CCDC83: variants seen among roughly 807,000 people sequenced by gnomAD.
CCDC83 encodes coiled-coil domain containing 83, also known as coiled-coil domain-containing protein 83.
In CCDC83, 54 loss-of-function variants were observed where a neutral mutation model predicts 50.1. That is an observed-to-expected ratio of 1.08 (90% CI 0.87 to 1.35). CCDC83 has a LOEUF of 1.35. Ranked by LOEUF, CCDC83 falls within the 40% of genes most tolerant of loss-of-function variation. The probability of loss-of-function intolerance (pLI) is 0.00; values close to 1 mark genes in which losing one functional copy is unlikely to be tolerated. For missense variants in CCDC83, 518 were observed against 473.9 expected (o/e 1.09, Z -0.86); for synonymous variants, 161 against 153.3 (o/e 1.05, Z -0.37).
intron 1 of CCDC83, among the ~76,000 whole-genome samples, chr11:85,861,282 GC>G (rs1270055820): frequency 6.6e-6 from 1 of 152,150 alleles, no homozygotes; most frequent in East Asian, 1.9e-4. Context: ...CTTTAATAAG[GC>G]TTTTGGAAGT....
chr11:85,889,936 G>A (rs11828161), intron 5 of CCDC83, among the ~76,000 whole-genome samples: 2,049 of 152,256 alleles, frequency 0.013, 20 homozygotes, highest in African/African-American at 0.028. Context: ...AACCAGTTTC[G>A]CACCTTTGAT....
chr11:85,891,097 G>T (rs559011653), intron 5 of CCDC83, among the ~76,000 whole-genome samples: 8 of 152,286 alleles, frequency 5.3e-5, no homozygotes, highest in Non-Finnish European at 1.2e-4. Context: ...ATCTGTGACT[G>T]TCCCTCTCAT....
chr11:85,914,014 A>G (rs1407019189), intron 8 of CCDC83, among the ~76,000 whole-genome samples: 1 of 152,260 alleles, frequency 6.6e-6, no homozygotes, highest in African/African-American at 2.4e-5. Context: ...AAACTAGGAA[A>G]CAAAAGAATT....
chr11:85,892,236 G>T (rs570744361), intron 5 of CCDC83, among the ~76,000 whole-genome samples: 1 of 152,280 alleles, frequency 6.6e-6, no homozygotes, highest in East Asian at 1.9e-4. Context: ...ATTAGATGGG[G>T]TGTCTGAGAA....
chr11:85,888,758 T>C (rs1015777553), intron 5 of CCDC83, among the ~76,000 whole-genome samples: 4 of 152,202 alleles, frequency 2.6e-5, no homozygotes, highest in Admixed American at 1.3e-4. Flanking sequence ...CTTTATTTTT[T>C]TACCAAATGG....
At chr11:85,856,702 T>C (rs1316849914) in intron 1 of CCDC83, among the ~76,000 whole-genome samples, 2 of 152,204 alleles carry the variant, frequency 1.3e-5, no homozygotes, top group Non-Finnish European at 2.9e-5. Context: ...ATGTCACTCA[T>C]CTAGATATTT....
intron 5 of CCDC83, 61 bp downstream of exon 5, chr11:85,886,428 G>A: frequency 7.3e-7 from 1 of 1,365,198 alleles, no homozygotes; most frequent in Non-Finnish European, 9.8e-7. Context: ...GGCATACATT[G>A]ATGGAAGAAA....
At chr11:85,910,895 G>T (rs2093450427) in intron 7 of CCDC83, among the ~76,000 whole-genome samples, 1 of 152,198 alleles carries the variant, frequency 6.6e-6, no homozygotes, top group Admixed American at 6.5e-5. Context: ...AACTTGGCCA[G>T]TCATGGTGGC....
chr11:85,863,716 G>A (rs947006874), intron 1 of CCDC83, among the ~76,000 whole-genome samples: 1 of 152,192 alleles, frequency 6.6e-6, no homozygotes, highest in African/African-American at 2.4e-5. Flanking sequence ...TGCCAATTCA[G>A]TGATCCAAAT....
intron 8 of CCDC83, among the ~76,000 whole-genome samples, chr11:85,912,265 A>ACTATTTGTTC (rs1224011595): frequency 6.6e-6 from 1 of 152,146 alleles, no homozygotes; most frequent in Non-Finnish European, 1.5e-5. Context: ...GACATGGAAG[A>ACTATTTGTTC]CTACTATTTG....
chr11:85,857,749 G>A (rs548345982), intron 1 of CCDC83, among the ~76,000 whole-genome samples: 157 of 152,118 alleles, frequency 1.0e-3, no homozygotes, highest in Admixed American at 2.5e-3. Flanking sequence ...AGGCTGTGGC[G>A]ACATGGGCAA....
At chr11:85,856,184 CAAAAAA>C (rs370054964) in intron 1 of CCDC83, among the ~76,000 whole-genome samples, 2,762 of 94,864 alleles carry the variant, frequency 0.029, 96 homozygotes, top group African/African-American at 0.1. Context: ...CTATCTAAGC[CAAAAAA>C]AAAAAAAAAA....
Position 85,899,017 on chromosome 11 carries a change from T to C in CCDC83, c.672+2T>C, listed in dbSNP as rs776658848. ...GAGAATGACTGGCTCAAAAAAGAGGTAAGTGGAATTTATCAAAACAAACAA... is the reference window on the plus strand; with the variant it reads ...GAGAATGACTGGCTCAAAAAAGAGGCAAGTGGAATTTATCAAAACAAACAA... On this transcript the variant is annotated splice_donor_variant, in intron 7 of 10. Transcript: ENST00000342404. LOFTEE classifies it high-confidence loss of function. 1.9e-6 allele frequency: 3 copies of C among 1,598,190 alleles called. No homozygotes were observed. The highest frequency in any genetic ancestry group is 2.6e-6 in the Non-Finnish European group (3 of 1,168,324).
chr11:85,892,895 T>C (rs1276172616), intron 5 of CCDC83, among the ~76,000 whole-genome samples: 1 of 152,182 alleles, frequency 6.6e-6, no homozygotes, highest in African/African-American at 2.4e-5. Context: ...AATAAAGGCT[T>C]CCACTTCTTA....
At position 85,882,520 on chromosome 11, in the gene CCDC83, G is replaced by A. The variant is rs765934206; in HGVS notation, c.188G>A (p.Arg63His). Residue 63 changes from arginine to histidine, a missense_variant, in exon 4 of 11, where the codon CGC becomes CAC. Transcript: ENST00000342404. ...KNQKYHERNS[R>H]LKEEQIWHIR... ...TGTTGATTTTCATGACAGAATAGCC[G>A]CTTAAAAGAAGAACAGATTTGGCAC... 47 of 1,613,180 alleles carry A rather than the reference G, an allele frequency of 2.9e-5. No homozygotes were observed. Among genetic ancestry groups the A allele is most frequent in the South Asian group, 6.6e-5 (6 of 90,996 alleles).
Position 85,882,822 on chromosome 11 carries a change from G to A in CCDC83, c.343+147G>A, listed in dbSNP as rs1316815677. 4.2e-6 allele frequency: 3 copies of A among 709,434 alleles called. No homozygotes were observed. In the Admixed American group the frequency reaches 8.2e-5, roughly 19 times the overall value. The allele number at this position is 709,434 out of a possible 1,614,324, so 43.9% of individuals were successfully genotyped here. ...CCACCGCAGCCACAAACACATGTAG[G>A]TAAATGGGCAGGAGAGGGAAATAAT... On this transcript the variant is annotated intron_variant, in intron 4 of 10. Coordinates refer to ENST00000342404, the MANE Select transcript of CCDC83 (RefSeq NM_001286159.2).
At chr11:85,915,594 C>CA in intron 9 of CCDC83, 96 bp downstream of exon 9, 1 of 806,248 alleles carries the variant, frequency 1.2e-6, no homozygotes, top group Non-Finnish European at 2.0e-6. Flanking sequence ...GCCCCACATA[C>CA]AAAAGCTATT....
chr11:85,905,969 C>CAAAAA (rs760367430), intron 7 of CCDC83, among the ~76,000 whole-genome samples: 11 of 47,606 alleles, frequency 2.3e-4, no homozygotes, highest in African/African-American at 7.2e-4. Flanking sequence ...GACTCCGTCT[C>CAAAAA]AAAAAAAAAA....
In CCDC83 at chr11:85,857,623, A is replaced by C. The variant is rs558197933; in HGVS notation, c.-29+2039A>C. Among the ~76,000 whole-genome samples, 7 of 152,312 alleles carry C rather than the reference A, an allele frequency of 4.6e-5. No individual in the cohort carries two copies. The South Asian group carries it at 1.5e-3, about 32-fold the overall frequency. ...CCTGAAAGTGCCTGCCATCAATGTC[A>C]ACAACTCCGTCACCAAGAGCAAGTT... On this transcript the variant is annotated intron_variant, in intron 1 of 10. Transcript: ENST00000342404.
Sources: allele counts gnomAD v4.1 joint callset (sites outside exome capture counted in the v4.1 genomes callset), GRCh38; gene constraint gnomAD v4.1.1; transcripts MANE v1.5; gene names NCBI Gene and HGNC (gene_info 2026-07-23, HGNC 2026-07-21).